OR7E24: variants seen among roughly 807,000 people sequenced by gnomAD.
The protein encoded by OR7E24 is olfactory receptor family 7 subfamily E member 24, also known as olfactory receptor 7E24.
For synonymous variants in OR7E24, 130 were observed against 157.5 expected, an observed-to-expected ratio of 0.83 and a Z score of 1.31; for missense variants, 385 against 410.3, an observed-to-expected ratio of 0.94 and a Z score of 0.53.
chr19:9,238,671 A>G, the OR7E24 span, among the ~76,000 whole-genome samples: 1 of 152,138 alleles, frequency 6.6e-6, no homozygotes, highest in African/African-American at 2.4e-5. Context: ...TTTGACTATG[A>G]TCTACCCAAT....
At chr19:9,239,031 G>T in the OR7E24 span, among the ~76,000 whole-genome samples, 1 of 152,158 alleles carries the variant, frequency 6.6e-6, no homozygotes, top group African/African-American at 2.4e-5. Flanking sequence ...TCAGTAGTGG[G>T]ATTGCTGGAT....
At chr19:9,221,250 T>C in the OR7E24 span, among the ~76,000 whole-genome samples, 3 of 140,952 alleles carry the variant, frequency 2.1e-5, no homozygotes, top group Non-Finnish European at 4.5e-5. Context: ...CCAGCCTGGG[T>C]GACAGAGCGA....
chr19:9,229,112 T>TA, the OR7E24 span, among the ~76,000 whole-genome samples: 6 of 151,906 alleles, frequency 3.9e-5, no homozygotes, highest in Middle Eastern at 3.4e-3. Context: ...AAAGTAAATT[T>TA]AAAAAAAAGA....
the OR7E24 span, among the ~76,000 whole-genome samples, chr19:9,218,408 C>T: frequency 6.6e-6 from 1 of 152,070 alleles, no homozygotes; most frequent in African/African-American, 2.4e-5. Context: ...TAAACAAAAT[C>T]ACAATAGAAA....
chr19:9,252,178 C>A lies in OR7E24; in HGVS notation c.*115C>A. The A allele has an allele frequency of 1.2e-6, 1 of 830,054 alleles. No individual in the cohort carries two copies. The highest frequency in any genetic ancestry group is 1.9e-6 in the Non-Finnish European group (1 of 539,800). 51.4% of individuals were successfully genotyped at this position (830,054 alleles called of 1,614,324 possible). On this transcript the variant is annotated 3_prime_UTR_variant, in exon 1 of 1. Coordinates refer to ENST00000456448, the MANE Select transcript of OR7E24 (RefSeq NM_001079935.2). Reference sequence around the variant, plus strand: ...GGGTTTCGTATGTGAATATTGCTTGCTTTGTTTTGTCTTTAATTGCAATGG... The same window carrying A: ...GGGTTTCGTATGTGAATATTGCTTGATTTGTTTTGTCTTTAATTGCAATGG...
At chr19:9,218,634 AT>A in the OR7E24 span, among the ~76,000 whole-genome samples, 21 of 151,578 alleles carry the variant, frequency 1.4e-4, no homozygotes, top group East Asian at 3.9e-4. Context: ...ATGCAAATGG[AT>A]TTTTTTTTGG....
the OR7E24 span, among the ~76,000 whole-genome samples, chr19:9,225,093 G>A: frequency 6.6e-6 from 1 of 151,998 alleles, no homozygotes; most frequent in Non-Finnish European, 1.5e-5. Context: ...GGAGAGGGGA[G>A]GTCGGGTGCG....
chr19:9,245,466 G>A (rs1398744328), upstream of OR7E24, among the ~76,000 whole-genome samples: 1 of 152,112 alleles, frequency 6.6e-6, no homozygotes, highest in Non-Finnish European at 1.5e-5. Context: ...ATGTAAAATG[G>A]TGCAGCAGTA....
At chr19:9,234,876 T>C in the OR7E24 span, among the ~76,000 whole-genome samples, 1 of 152,204 alleles carries the variant, frequency 6.6e-6, no homozygotes, top group African/African-American at 2.4e-5. Flanking sequence ...TCTGCAGTTA[T>C]GTGGAAGGAT....
chr19:9,230,575 A>G, the OR7E24 span, among the ~76,000 whole-genome samples: 2 of 152,122 alleles, frequency 1.3e-5, no homozygotes, highest in African/African-American at 4.8e-5. Context: ...CTCTTCCTGA[A>G]TGACTCACTG....
At chr19:9,240,974 C>T in the OR7E24 span, among the ~76,000 whole-genome samples, 3 of 152,006 alleles carry the variant, frequency 2.0e-5, no homozygotes, top group Non-Finnish European at 2.9e-5. Flanking sequence ...CCCGCCACCA[C>T]GCCTGGCTAA....
the OR7E24 span, among the ~76,000 whole-genome samples, chr19:9,220,644 G>C: frequency 1.3e-5 from 2 of 152,080 alleles, no homozygotes; most frequent in Non-Finnish European, 2.9e-5. Context: ...TCTGTGTCTT[G>C]GCTACTGTGA....
At chr19:9,235,808 T>G in the OR7E24 span, 1 of 1,611,296 alleles carries the variant, frequency 6.2e-7, no homozygotes, top group Non-Finnish European at 8.5e-7. Context: ...TCTCAGATTG[T>G]CTCCTCCTTA....
chr19:9,239,408 G>A, the OR7E24 span, among the ~76,000 whole-genome samples: 4 of 152,056 alleles, frequency 2.6e-5, no homozygotes, highest in Admixed American at 6.6e-5. Context: ...TCCTGACCCC[G>A]TGATCCATCC....
At chr19:9,214,481 G>A in the OR7E24 span, 1 of 1,614,134 alleles carries the variant, frequency 6.2e-7, no homozygotes, top group African/African-American at 1.3e-5. Context: ...ACCGGTCATA[G>A]GCCATCACGG....
upstream of OR7E24, among the ~76,000 whole-genome samples, chr19:9,249,863 A>G (rs571937053): frequency 1.5e-4 from 23 of 152,172 alleles, no homozygotes; most frequent in African/African-American, 5.3e-4. Flanking sequence ...GCTGAGGCAT[A>G]AGAATCGCTT....
the OR7E24 span, among the ~76,000 whole-genome samples, chr19:9,226,371 C>T: frequency 6.6e-6 from 1 of 152,174 alleles, no homozygotes; most frequent in African/African-American, 2.4e-5. Context: ...CTGCTGGGTC[C>T]GGTTTCCACT....
chr19:9,224,962 A>G, the OR7E24 span, among the ~76,000 whole-genome samples: 3 of 152,206 alleles, frequency 2.0e-5, no homozygotes, highest in Non-Finnish European at 2.9e-5. Context: ...TTCACAATCA[A>G]TGGTCAAATG....
At chr19:9,221,328 A>G in the OR7E24 span, among the ~76,000 whole-genome samples, 1 of 123,254 alleles carries the variant, frequency 8.1e-6, no homozygotes, top group Non-Finnish European at 1.6e-5. Flanking sequence ...AATGTCTTTC[A>G]GGTCTTTTGC....
Sources: allele counts gnomAD v4.1 joint callset (sites outside exome capture counted in the v4.1 genomes callset), GRCh38; gene constraint gnomAD v4.1.1; transcripts MANE v1.5; gene names NCBI Gene and HGNC (gene_info 2026-07-23, HGNC 2026-07-21).